Variants in TNFRSF9 observed in about 807,000 individuals in gnomAD.
The protein encoded by TNFRSF9 is TNF receptor superfamily member 9, also known as tumor necrosis factor receptor superfamily member 9.
A neutral mutation model predicts 28.8 loss-of-function variants in TNFRSF9; 16 were observed. The ratio of observed to expected loss-of-function variants is 0.55; its 90% confidence interval spans 0.38 to 0.84. The LOEUF is 0.84. TNFRSF9 is among the 40% of genes least tolerant of loss of function. The pLI is 0.00. For synonymous variants in TNFRSF9, 131 were observed against 117.0 expected, an observed-to-expected ratio of 1.12 and a Z score of -0.77; for missense variants, 303 against 315.0, an observed-to-expected ratio of 0.96 and a Z score of 0.29.
rs1557431082 is a variant in TNFRSF9 at position 7,938,338 on chromosome 1, GT to G, written c.209-9del. ...TCCTGGTCCTGAAAACACCTACAAAGTCCCCCCAGCCCCCAACATTTTATTA... is the reference window on the plus strand; with the variant it reads ...TCCTGGTCCTGAAAACACCTACAAAGCCCCCCAGCCCCCAACATTTTATTA... On this transcript the variant is annotated splice_polypyrimidine_tract_variant and intron_variant, in intron 3 of 7. Transcript: ENST00000377507. 1 of 1,595,690 alleles carries G rather than the reference GT, an allele frequency of 6.3e-7. No homozygotes were observed. Among genetic ancestry groups the G allele is most frequent in the East Asian group, 2.3e-5 (1 of 44,030 alleles).
intron 7 of TNFRSF9, among the ~76,000 whole-genome samples, chr1:7,926,450 C>T (rs574162970): frequency 6.6e-6 from 1 of 152,226 alleles, no homozygotes; most frequent in East Asian, 1.9e-4. Context: ...CAGAACTACC[C>T]CTGTCATTAA....
intron 5 of TNFRSF9, among the ~76,000 whole-genome samples, chr1:7,935,650 A>T (rs1223404307): frequency 6.6e-6 from 1 of 151,990 alleles, no homozygotes; most frequent in Non-Finnish European, 1.5e-5. Context: ...ACATAGCAAG[A>T]CCCCATCTCT....
intron 7 of TNFRSF9, among the ~76,000 whole-genome samples, chr1:7,927,160 T>C (rs1161457873): frequency 6.6e-6 from 1 of 152,100 alleles, no homozygotes; most frequent in African/African-American, 2.4e-5. Flanking sequence ...CAGCAAAGTG[T>C]TCATCACGAA....
At chr1:7,923,171 G>A (rs1192773573) in intron 7 of TNFRSF9, among the ~76,000 whole-genome samples, 2 of 152,078 alleles carry the variant, frequency 1.3e-5, no homozygotes, top group African/African-American at 2.4e-5. Context: ...AAAGTGCTGG[G>A]ATTACAGGCG....
chr1:7,931,481 T>C (rs535007425), intron 7 of TNFRSF9, among the ~76,000 whole-genome samples: 1 of 152,346 alleles, frequency 6.6e-6, no homozygotes, highest in Non-Finnish European at 1.5e-5. Context: ...TGAATCTTCA[T>C]GATACAACGT....
At chr1:7,940,118 C>A in intron 1 of TNFRSF9, 40 bp from the exon 2 acceptor site, 1 of 639,148 alleles carries the variant, frequency 1.6e-6, no homozygotes, top group Non-Finnish European at 2.7e-6. Flanking sequence ...GTGGTTTCTC[C>A]TTTCAAAATT....
chr1:7,933,043 G>A (rs1376688175), intron 7 of TNFRSF9, 119 bp downstream of exon 7: 16 of 1,272,280 alleles, frequency 1.3e-5, no homozygotes, highest in East Asian at 2.6e-5. Flanking sequence ...TTGCCCCTGC[G>A]TGATAGCCAC....
rs1187856155 is a variant in TNFRSF9 at position 7,916,066 on chromosome 1, T to C, written c.*4769A>G. ...CTTCCTGTGGGGGAAGATGCCCACT[T>C]TATAGTCATCCGCCCCTCACATCAA... On this transcript the variant is annotated 3_prime_UTR_variant, in exon 8 of 8. Transcript: ENST00000377507. 1 of 152,156 alleles carries C rather than the reference T, an allele frequency of 6.6e-6. No individual in the cohort carries two copies. The highest frequency in any genetic ancestry group is 1.9e-4 in the East Asian group (1 of 5,190). The allele number at this position is 152,156 out of a possible 1,614,324, so 9.4% of individuals were successfully genotyped here.
At chr1:7,921,373 C>T (rs533821241) in intron 7 of TNFRSF9, among the ~76,000 whole-genome samples, 2 of 132,642 alleles carry the variant, frequency 1.5e-5, no homozygotes, top group African/African-American at 6.6e-5. Flanking sequence ...CAAAACAAAA[C>T]AAAACAAAAA....
At position 7,934,995 on chromosome 1, in the gene TNFRSF9, A is replaced by G. The variant is rs375962509; in HGVS notation, c.544+18T>C. On this transcript the variant is annotated intron_variant, in intron 6 of 7. Transcript: ENST00000377507. ...ACCATAAGATACGCACTTTGGCGTA[A>G]AGGCATAGCCCAGTTACCTGGCTCT... is the stretch of plus-strand genomic sequence containing the variant. 8 of 1,612,666 alleles carry G rather than the reference A, an allele frequency of 5.0e-6. No homozygotes were observed. The highest frequency in any genetic ancestry group is 1.3e-5 in the African/African-American group (1 of 74,874).
intron 7 of TNFRSF9, among the ~76,000 whole-genome samples, 158 bp from the exon 8 acceptor site, chr1:7,921,081 A>T (rs912757368): frequency 1.3e-5 from 2 of 152,118 alleles, no homozygotes; most frequent in Non-Finnish European, 2.9e-5. Context: ...CATGCCTGTA[A>T]CCCCAGCACT....
chr1:7,930,328 T>G (rs1639716166), intron 7 of TNFRSF9, among the ~76,000 whole-genome samples: 1 of 152,190 alleles, frequency 6.6e-6, no homozygotes, highest in East Asian at 1.9e-4. Context: ...CGCGGAATCC[T>G]AACCACTAGA....
At chr1:7,938,604 C>A in intron 3 of TNFRSF9, 117 bp downstream of exon 3, 1 of 926,180 alleles carries the variant, frequency 1.1e-6, no homozygotes, top group Non-Finnish European at 1.6e-6. Flanking sequence ...TGCTGGTTGG[C>A]AGAAGAATCA....
At chr1:7,928,689 C>G (rs1578072693) in intron 7 of TNFRSF9, among the ~76,000 whole-genome samples, 1 of 152,070 alleles carries the variant, frequency 6.6e-6, no homozygotes, top group South Asian at 2.1e-4. Flanking sequence ...GCCAGGAGTT[C>G]AAGACCAGCC....
intron 5 of TNFRSF9, among the ~76,000 whole-genome samples, chr1:7,935,615 C>A (rs532764399): frequency 4.6e-5 from 7 of 152,242 alleles, no homozygotes; most frequent in African/African-American, 1.7e-4. Flanking sequence ...CACTTGAGAC[C>A]AGGCGTTGGA....
intron 7 of TNFRSF9, among the ~76,000 whole-genome samples, chr1:7,932,698 C>T (rs931328419): frequency 6.7e-6 from 1 of 150,234 alleles, no homozygotes; most frequent in Non-Finnish European, 1.5e-5. Flanking sequence ...CGCGCACACA[C>T]ACACGCACAC....
rs1639544370 is a variant in TNFRSF9, at chr1:7,920,753, C to A, written c.*82G>T. On this transcript the variant is annotated 3_prime_UTR_variant, in exon 8 of 8. Transcript: ENST00000377507. ...GGTATTATGTAGGATGGTGTTCTTG[C>A]TTTTGAAAGCTGTGATAGCGGATGA... The A allele has an allele frequency of 8.9e-7, 1 of 1,129,208 alleles. No individual in the cohort carries two copies. The highest frequency in any genetic ancestry group is 1.5e-5 in the African/African-American group (1 of 65,004). The allele number at this position is 1,129,208 out of a possible 1,614,324, so 69.9% of individuals were successfully genotyped here. A position where few individuals can be genotyped will look rare whatever the true frequency, so the allele number is the denominator to read the frequency against.
At chr1:7,932,701 A>ACG (rs1039660019) in intron 7 of TNFRSF9, among the ~76,000 whole-genome samples, 1 of 149,690 alleles carries the variant, frequency 6.7e-6, no homozygotes, top group Non-Finnish European at 1.5e-5. Flanking sequence ...GCACACACAC[A>ACG]CGCACACACA....
chr1:7,931,040 T>C lies in TNFRSF9; in HGVS notation c.679+2122A>G, dbSNP rs1051936105. 1.1e-4 allele frequency among the ~76,000 whole-genome samples: 16 copies of C among 152,224 alleles called. No homozygotes were observed. In the East Asian group the frequency reaches 1.4e-3, roughly 13 times the overall value. On this transcript the variant is annotated intron_variant, in intron 7 of 7. Coordinates refer to ENST00000377507, the MANE Select transcript of TNFRSF9 (RefSeq NM_001561.6). ...AACATGAAAAGGCGTCTAACCTCACTAGCAACCAGGAAGTGTAAGTTAAAA... is the reference window on the plus strand; with the variant it reads ...AACATGAAAAGGCGTCTAACCTCACCAGCAACCAGGAAGTGTAAGTTAAAA...
Sources: allele counts gnomAD v4.1 joint callset (sites outside exome capture counted in the v4.1 genomes callset), GRCh38; gene constraint gnomAD v4.1.1; transcripts MANE v1.5; gene names NCBI Gene and HGNC (gene_info 2026-07-23, HGNC 2026-07-21).